DLGAP2: variants seen among roughly 807,000 people sequenced by gnomAD.
DLGAP2 encodes the protein disks large-associated protein 2.
A neutral mutation model predicts 100.3 loss-of-function variants in DLGAP2; 26 were observed. The ratio of observed to expected loss-of-function variants is 0.26; its 90% CI spans 0.19 to 0.36. DLGAP2 has a LOEUF of 0.36. DLGAP2 is among the 10% of genes least tolerant of loss of function. DLGAP2 has a pLI of 1.00. For synonymous variants in DLGAP2, 886 were observed against 630.1 expected (o/e 1.41, Z -6.08); for missense variants, 1,858 against 1,453.2 (o/e 1.28, Z -4.53).
intron 2 of DLGAP2, among the ~76,000 whole-genome samples, chr8:1,215,957 C>T (rs1260335594): frequency 6.6e-6 from 1 of 151,620 alleles, no homozygotes; most frequent in Admixed American, 6.6e-5. Flanking sequence ...GGTGCATCAC[C>T]TGGAGACGTC....
chr8:1,605,266 G>A (rs757614411), intron 6 of DLGAP2, among the ~76,000 whole-genome samples: 1 of 152,170 alleles, frequency 6.6e-6, no homozygotes, highest in Non-Finnish European at 1.5e-5. Context: ...TCTGGACACA[G>A]CTCCCTACTA....
intron 6 of DLGAP2, among the ~76,000 whole-genome samples, chr8:1,596,082 C>G (rs895582985): frequency 7.4e-6 from 1 of 134,342 alleles, no homozygotes; most frequent in African/African-American, 2.7e-5. Flanking sequence ...TCCATGGGTT[C>G]TCATCGTTCA....
At chr8:814,691 C>CAA (rs879636608) in intron 1 of DLGAP2, among the ~76,000 whole-genome samples, 2 of 140,400 alleles carry the variant, frequency 1.4e-5, no homozygotes, top group African/African-American at 2.6e-5. Flanking sequence ...ACTAAAAATA[C>CAA]AAAAAAAAAA....
intron 3 of DLGAP2, among the ~76,000 whole-genome samples, chr8:1,382,779 A>G (rs950578815): frequency 1.3e-5 from 2 of 152,214 alleles, no homozygotes; most frequent in Non-Finnish European, 2.9e-5. Flanking sequence ...TATAGTTTAC[A>G]TTGATTATAG....
At chr8:1,206,463 G>C (rs13251189) in intron 2 of DLGAP2, among the ~76,000 whole-genome samples, 1 of 149,676 alleles carries the variant, frequency 6.7e-6, no homozygotes, top group Admixed American at 6.8e-5. Flanking sequence ...TAGACTGTGA[G>C]TGGTTAATCT....
At chr8:776,967 A>T (rs923373332) in intron 1 of DLGAP2, among the ~76,000 whole-genome samples, 1 of 152,250 alleles carries the variant, frequency 6.6e-6, no homozygotes, top group Non-Finnish European at 1.5e-5. Flanking sequence ...ATCTCCCATT[A>T]TTAATATGTG....
At chr8:1,636,227 G>T (rs536588620) in intron 8 of DLGAP2, among the ~76,000 whole-genome samples, 49 of 152,234 alleles carry the variant, frequency 3.2e-4, no homozygotes, top group African/African-American at 1.2e-3. Flanking sequence ...GAAGGAAAAT[G>T]GTGTAAAATT....
intron 2 of DLGAP2, among the ~76,000 whole-genome samples, chr8:1,238,587 TAC>T (rs1315495706): frequency 1.5e-4 from 12 of 79,952 alleles, no homozygotes; most frequent in African/African-American, 4.9e-4. Context: ...CGTGTCTAGT[TAC>T]CTATCACATG....
intron 3 of DLGAP2, among the ~76,000 whole-genome samples, chr8:1,445,895 G>C (rs1018743427): frequency 8.5e-5 from 13 of 152,194 alleles, no homozygotes; most frequent in Admixed American, 6.5e-5. Flanking sequence ...CTTCTTTTGA[G>C]AAGTGTCTGT....
chr8:1,389,070 G>A (rs993035064), intron 3 of DLGAP2, among the ~76,000 whole-genome samples: 13 of 151,758 alleles, frequency 8.6e-5, no homozygotes, highest in South Asian at 2.1e-4. Flanking sequence ...AGAGGCCGTG[G>A]ATGAGGAGGC....
In DLGAP2 at chr8:1,703,359, T is replaced by A. The variant is rs1024337354; in HGVS notation, c.*1953T>A. ...AATGAATCCTATTTCCCCAGAGTGT[T>A]CAAGGCATTTTTCTACCTAAATGAA... On this transcript the variant is annotated 3_prime_UTR_variant, in exon 15 of 15. Transcript: ENST00000637795. 2 of 152,638 alleles carry A rather than the reference T, an allele frequency of 1.3e-5. No homozygotes were observed. The highest frequency in any genetic ancestry group is 4.8e-5 in the African/African-American group (2 of 41,446). 9.5% of individuals were successfully genotyped at this position (152,638 alleles called of 1,614,324 possible).
chr8:1,193,579 G>A (rs1253966434), intron 2 of DLGAP2, among the ~76,000 whole-genome samples: 3 of 152,128 alleles, frequency 2.0e-5, no homozygotes, highest in Non-Finnish European at 2.9e-5. Context: ...CTGGATATAC[G>A]CTGCTGTGTC....
intron 1 of DLGAP2, among the ~76,000 whole-genome samples, chr8:845,007 C>G (rs974064684): frequency 6.6e-6 from 1 of 152,212 alleles, no homozygotes; most frequent in African/African-American, 2.4e-5. Flanking sequence ...CAGGTATTTT[C>G]TTTTTATTGC....
At chr8:1,254,326 G>A (rs556853961) in intron 2 of DLGAP2, among the ~76,000 whole-genome samples, 5 of 152,262 alleles carry the variant, frequency 3.3e-5, no homozygotes, top group Admixed American at 2.0e-4. Flanking sequence ...TCAAGGCCTC[G>A]TGGTCTCCTC....
chr8:1,424,683 G>A (rs1337528373), intron 3 of DLGAP2, among the ~76,000 whole-genome samples: 2 of 152,234 alleles, frequency 1.3e-5, no homozygotes, highest in African/African-American at 2.4e-5. Context: ...ACAGCACCTG[G>A]AGGAGTCAGA....
intron 2 of DLGAP2, among the ~76,000 whole-genome samples, chr8:975,010 A>G (rs1028448428): frequency 2.6e-5 from 4 of 152,212 alleles, no homozygotes; most frequent in Non-Finnish European, 2.9e-5. Context: ...CTAATGAAGA[A>G]AAAAGGGAGA....
intron 3 of DLGAP2, among the ~76,000 whole-genome samples, chr8:1,372,515 C>T (rs894769267): frequency 3.9e-5 from 6 of 152,162 alleles, no homozygotes; most frequent in African/African-American, 7.2e-5. Flanking sequence ...CATAATTCCT[C>T]TTCATGGGCA....
At chr8:1,206,237 C>G (rs1028241479) in intron 2 of DLGAP2, among the ~76,000 whole-genome samples, 1 of 152,182 alleles carries the variant, frequency 6.6e-6, no homozygotes, top group Non-Finnish European at 1.5e-5. Context: ...GTCTCTTGGC[C>G]ACGCACCACT....
intron 4 of DLGAP2, among the ~76,000 whole-genome samples, chr8:1,502,854 G>A (rs973852184): frequency 9.2e-5 from 14 of 152,304 alleles, no homozygotes; most frequent in African/African-American, 3.4e-4. Flanking sequence ...GCGCCCACGT[G>A]CCCCAGGGGC....
Sources: gnomAD v4.1 joint callset for allele counts (sites outside exome capture counted in the v4.1 genomes callset) on GRCh38, gnomAD v4.1.1 for gene constraint, MANE v1.5 for transcripts, NCBI Gene and HGNC (gene_info 2026-07-23, HGNC 2026-07-21) for gene names.